LRRC56: variants seen among roughly 807,000 people sequenced by gnomAD.
LRRC56 encodes the protein leucine rich repeat containing 56.
In LRRC56, 41 loss-of-function variants were observed where a neutral mutation model predicts 47.8. The observed-to-expected ratio is 0.86, with a 90% CI of 0.67 to 1.11. The LOEUF is 1.11. Among genes scored for constraint, LRRC56 ranks in the 50% most tolerant of loss-of-function variants. The pLI, the probability that LRRC56 is intolerant of heterozygous loss-of-function variation, is 0.00. For synonymous variants in LRRC56, 387 were observed against 311.2 expected, an observed-to-expected ratio of 1.24 and a Z score of -2.56; for missense variants, 759 against 704.2, an observed-to-expected ratio of 1.08 and a Z score of -0.88.
the LRRC56 span, among the ~76,000 whole-genome samples, chr11:512,697 C>T: frequency 6.6e-6 from 1 of 152,196 alleles, no homozygotes; most frequent in Non-Finnish European, 1.5e-5. Flanking sequence ...AATTATATTG[C>T]ATGTTCTCTT....
At chr11:533,882 G>A (rs746639086), upstream of LRRC56, 17 of 1,613,166 alleles carry the variant, frequency 1.1e-5, no homozygotes, top group Admixed American at 1.7e-5. Flanking sequence ...CCTGGCCGGC[G>A]GTATCCAGGA....
rs1431766636 is a variant in LRRC56, at chr11:541,548, C to G, written c.189C>G (p.Ala63=). The stretch of plus-strand genomic sequence containing the variant: ...GTTGGTTTCTACAGCAGGCCCTGGC[C>G]CGGGTGGATGACCTTCGGCTGGTGA... ...YLSPARLQAL[A]RVDDLRLVRT... is the part of the protein sequence containing the mutation. The change falls in exon 5 of 14, where the codon GCC becomes GCG. Residue 63 remains alanine (A), a synonymous_variant. Coordinates refer to ENST00000270115, the MANE Select transcript of LRRC56 (RefSeq NM_198075.4). This position sits in a 1 kb window ranked among gnomAD's most constrained non-coding sequence, Gnocchi z 4.1. 2 of 1,577,892 alleles carry G rather than the reference C, an allele frequency of 1.3e-6. No homozygotes were observed. The highest frequency in any genetic ancestry group is 1.7e-6 in the Non-Finnish European group (2 of 1,160,350).
the LRRC56 span, among the ~76,000 whole-genome samples, chr11:507,666 G>C: frequency 6.6e-6 from 1 of 152,234 alleles, no homozygotes; most frequent in African/African-American, 2.4e-5. Context: ...CGGCCGCCTC[G>C]GGACAGGAGG....
chr11:547,390 G>A (rs142164066), intron 6 of LRRC56, among the ~76,000 whole-genome samples: 13,628 of 149,924 alleles, frequency 0.091, 611 homozygotes, highest in Middle Eastern at 0.15. Flanking sequence ...GTCTCACTCC[G>A]TTGCCCAGGC....
Position 554,732 on chromosome 11 carries a change from G to A in LRRC56, c.*456G>A, listed in dbSNP as rs902264107. The A allele has an allele frequency of 1.3e-5, 6 of 460,046 alleles. No homozygotes were observed. In the Admixed American group the frequency reaches 1.7e-4, roughly 13 times the overall value. 28.5% of individuals were successfully genotyped at this position (460,046 alleles called of 1,614,324 possible). The stretch of plus-strand genomic sequence containing the variant: ...AGCTGCTCGCCTGAGGCCGCCGGGG[G>A]TGCGGTCCAGGCCTCCCGTCTCCGG... On this transcript the variant is annotated 3_prime_UTR_variant, in exon 14 of 14. Coordinates refer to ENST00000270115, the MANE Select transcript of LRRC56 (RefSeq NM_198075.4).
rs1851756152 is a variant in LRRC56, at chr11:540,766, C to G, written c.82C>G (p.Leu28Val). The G allele has an allele frequency of 1.2e-6, 2 of 1,611,028 alleles. No homozygotes were observed. Among genetic ancestry groups the G allele is most frequent in the Non-Finnish European group, 1.7e-6 (2 of 1,179,306 alleles). The change falls in exon 4 of 14, where the codon CTG (leucine) becomes GTG (valine). Residue 28 changes from leucine (L) to valine (V), a missense_variant. Transcript: ENST00000270115. ...GGTGCGGGAGCTGAGCTGGCAAGGC[C>G]TGCACAACCCCTGCCCACAGAGCAA... ...VRVRELSWQGLHNPCPQSKGP... is the reference protein window; with the variant it reads ...VRVRELSWQGVHNPCPQSKGP...
chr11:509,471 G>A, the LRRC56 span, among the ~76,000 whole-genome samples: 102 of 152,282 alleles, frequency 6.7e-4, no homozygotes, highest in African/African-American at 2.3e-3. Flanking sequence ...GGTGCTGAGC[G>A]CACGGCCAGC....
the LRRC56 span, among the ~76,000 whole-genome samples, chr11:517,319 A>C: frequency 1.4e-5 from 2 of 144,766 alleles, no homozygotes; most frequent in East Asian, 4.2e-4. Flanking sequence ...ATCGTCTGGG[A>C]GGTGAGGAGC....
rs201453048 is a variant in LRRC56, at chr11:551,905, G to A, written c.976G>A (p.Ala326Thr). The change falls in exon 11 of 14, where the codon GCT becomes ACT. Residue 326 changes from alanine (A) to threonine (T), a missense_variant and splice_region_variant. Coordinates refer to ENST00000270115, the MANE Select transcript of LRRC56 (RefSeq NM_198075.4). The stretch of plus-strand genomic sequence containing the variant: ...CCCAGCCATGCTGTCTCTTGCAGGT[G>A]CTGGCCAAGTCCTCTGTGGGAACCC... ...EDNTSSLTHG[A>T]GQVLCGNPTK... 87 of 1,612,508 alleles carry A rather than the reference G, an allele frequency of 5.4e-5. No homozygotes were observed. Among genetic ancestry groups the A allele is most frequent in the Admixed American group, 1.5e-4 (9 of 59,962 alleles).
chr11:553,261 C>T (rs965663527), intron 13 of LRRC56, among the ~76,000 whole-genome samples: 12 of 152,246 alleles, frequency 7.9e-5, no homozygotes, highest in African/African-American at 2.7e-4. Flanking sequence ...GAGGACCCTC[C>T]CTCAGCGGGC....
chr11:542,737 C>T (rs1851863740), intron 5 of LRRC56, among the ~76,000 whole-genome samples: 4 of 152,256 alleles, frequency 2.6e-5, no homozygotes, highest in South Asian at 2.1e-4. Flanking sequence ...GAGAGTTGGA[C>T]ATGCAACACC....
chr11:549,234 T>C (rs1852244020), intron 6 of LRRC56, among the ~76,000 whole-genome samples: 1 of 152,064 alleles, frequency 6.6e-6, no homozygotes, highest in African/African-American at 2.4e-5. Flanking sequence ...GCCTGTGAGC[T>C]CAGGTGGCCC....
chr11:551,891 T>G lies in LRRC56; in HGVS notation c.974-12T>G. 6.2e-7 allele frequency: 1 copy of G among 1,612,502 alleles called. No individual in the cohort carries two copies. Reference sequence around the variant, plus strand: ...GGCCCCGAACCAGGCCCAGCCATGCTGTCTCTTGCAGGTGCTGGCCAAGTC... The same window carrying G: ...GGCCCCGAACCAGGCCCAGCCATGCGGTCTCTTGCAGGTGCTGGCCAAGTC... On this transcript the variant is annotated splice_polypyrimidine_tract_variant and intron_variant, in intron 10 of 13. Coordinates refer to ENST00000270115, the MANE Select transcript of LRRC56 (RefSeq NM_198075.4).
At chr11:507,046 G>A in the LRRC56 span, 1 of 152,330 alleles carries the variant, frequency 6.6e-6, no homozygotes, top group African/African-American at 2.4e-5. Flanking sequence ...GCGTCTACAA[G>A]AAGCCCGACC....
At chr11:510,820 A>T in the LRRC56 span, among the ~76,000 whole-genome samples, 108 of 151,210 alleles carry the variant, frequency 7.1e-4, no homozygotes, top group South Asian at 0.012. Flanking sequence ...GAGGCAGGAG[A>T]ATCACTTGAA....
At position 554,014 on chromosome 11, in the gene LRRC56, C is replaced by CA. The variant is rs1338942269; in HGVS notation, c.1369dup (p.Arg457LysfsTer35). ...CTGGTCCCTTCACCTCCCAAGCACC[C>CA]AAGGCCACGAGATTCTGGCAGCAGC... On this transcript the variant is annotated frameshift_variant, in exon 14 of 14. Coordinates refer to ENST00000270115, the MANE Select transcript of LRRC56 (RefSeq NM_198075.4). LOFTEE classifies it low-confidence loss of function (END_TRUNC). 6.2e-7 allele frequency: 1 copy of CA among 1,612,310 alleles called. No homozygotes were observed. The highest frequency in any genetic ancestry group is 8.5e-7 in the Non-Finnish European group (1 of 1,179,778).
the LRRC56 span, chr11:528,751 G>A: frequency 2.6e-5 from 4 of 152,200 alleles, no homozygotes; most frequent in Admixed American, 6.5e-5. Flanking sequence ...ACACGCACAC[G>A]TTCACCCACA....
chr11:546,567 C>CA lies in LRRC56; in HGVS notation c.326+1800dup, dbSNP rs34365475. 5.2e-4 allele frequency among the ~76,000 whole-genome samples: 72 copies of CA among 138,386 alleles called. 1 individual carries two copies. The highest frequency in any genetic ancestry group is 3.9e-3 in the Middle Eastern group (1 of 256). 90.8% of individuals were successfully genotyped at this position (138,386 alleles called of 152,430 possible). On this transcript the variant is annotated intron_variant, in intron 6 of 13. Coordinates refer to ENST00000270115, the MANE Select transcript of LRRC56 (RefSeq NM_198075.4). ...TGGGCGACTGAGTGAGACTTCGTCT[C>CA]AAAAAAAAAAAAATACATGAAGATC...
chr11:520,402 C>A, the LRRC56 span, among the ~76,000 whole-genome samples: 1 of 152,080 alleles, frequency 6.6e-6, no homozygotes, highest in Non-Finnish European at 1.5e-5. Context: ...CTCTCTGCAA[C>A]CTCCGCCTCC....
Sources: gnomAD v4.1 joint callset for allele counts (sites outside exome capture counted in the v4.1 genomes callset) on GRCh38, gnomAD v4.1.1 for gene constraint, Gnocchi (gnomAD v3.1) non-coding constraint, MANE v1.5 for transcripts, NCBI Gene and HGNC (gene_info 2026-07-23, HGNC 2026-07-21) for gene names.